The following BMPR2 variants were observed in gnomAD, a reference collection of about 807,000 sequenced individuals.
The protein encoded by BMPR2 is bone morphogenetic protein receptor type 2.
Under a neutral mutation model 100.8 loss-of-function variants are expected in BMPR2, and 29 were observed. The ratio of observed to expected loss-of-function variants is 0.29; its 90% CI spans 0.21 to 0.39. The LOEUF (loss-of-function observed/expected upper bound fraction) is 0.39. Among genes scored for constraint, BMPR2 ranks in the 10% least tolerant of loss-of-function variants. The pLI, the probability that BMPR2 is intolerant of heterozygous loss-of-function variation, is 1.00. For missense variants in BMPR2, 1,011 were observed against 1,274.5 expected, an observed-to-expected ratio of 0.79 and a Z score of 3.15; for synonymous variants, 382 against 442.3, an observed-to-expected ratio of 0.86 and a Z score of 1.71.
At chr2:202,441,812 C>T (rs1691753505) in intron 1 of BMPR2, among the ~76,000 whole-genome samples, 1 of 149,320 alleles carries the variant, frequency 6.7e-6, no homozygotes, top group Admixed American at 6.6e-5. Flanking sequence ...GGTGGGCGAT[C>T]ACCTGAGGTC....
intron 1 of BMPR2, among the ~76,000 whole-genome samples, chr2:202,386,104 G>A (rs1258427166): frequency 1.3e-5 from 2 of 152,066 alleles, no homozygotes; most frequent in African/African-American, 4.8e-5. Context: ...ATGGCTAAAT[G>A]TTGTGTTTCA....
Position 202,442,403 on chromosome 2 carries a change from GT to G in BMPR2, c.77-22402del, listed in dbSNP as rs1691766471. Among the ~76,000 whole-genome samples, 4 of 150,450 alleles carry G rather than the reference GT, an allele frequency of 2.7e-5. 1 individual carries two copies. The highest frequency in any genetic ancestry group is 1.0e-4 in the African/African-American group (4 of 39,832). ...GTGATTAACTTCATGGTTCATCCAT[GT>G]TTTAGCGTATATCGGTACTTCCTTT... On this transcript the variant is annotated intron_variant, in intron 1 of 12. Coordinates refer to ENST00000374580, the MANE Select transcript of BMPR2 (RefSeq NM_001204.7).
chr2:202,446,120 G>A (rs1691843567), intron 1 of BMPR2, among the ~76,000 whole-genome samples: 1 of 150,586 alleles, frequency 6.6e-6, no homozygotes, highest in Admixed American at 6.6e-5. Flanking sequence ...ATTAACACAG[G>A]CTGGGCGTGG....
At chr2:202,518,783 T>G (rs1687765361) in intron 5 of BMPR2, 39 bp from the exon 6 acceptor site, 1 of 1,491,658 alleles carries the variant, frequency 6.7e-7, no homozygotes, top group African/African-American at 1.4e-5. Context: ...ATTGTTCAAT[T>G]GTGATATTAA....
At chr2:202,507,165 A>T (rs1327307856) in intron 3 of BMPR2, among the ~76,000 whole-genome samples, 1 of 151,098 alleles carries the variant, frequency 6.6e-6, no homozygotes, top group Non-Finnish European at 1.5e-5. Context: ...TCACTGCTTT[A>T]CCTAGGATAA....
Position 202,514,912 on chromosome 2 carries a change from G to A in BMPR2, c.554G>A (p.Ser185Asn), listed in dbSNP as rs1252032978. 8.7e-6 allele frequency: 14 copies of A among 1,613,964 alleles called. No individual in the cohort carries two copies. Among genetic ancestry groups the A allele is most frequent in the Non-Finnish European group, 1.1e-5 (13 of 1,180,010 alleles). ...LTGDRKQGLH[S>N]MNMMEAAASE... The stretch of plus-strand genomic sequence containing the variant: ...GGAGACCGTAAACAAGGTCTTCACA[G>A]TATGAACATGATGGAGGCAGCAGCA... Residue 185 changes from serine to asparagine, a missense_variant, in exon 5 of 13, where the codon AGT (serine) becomes AAT (asparagine). By Grantham distance (46) the Ser-to-Asn change is conservative (BLOSUM62 1). Around this residue, in one of 6 missense-constraint regions of BMPR2, gnomAD observed 355 missense variants for 455.3 expected, o/e 0.78. Transcript: ENST00000374580.
chr2:202,444,516 G>T (rs550857129), intron 1 of BMPR2, among the ~76,000 whole-genome samples: 15 of 150,616 alleles, frequency 1.0e-4, no homozygotes, highest in Non-Finnish European at 2.1e-4. Context: ...TGGTGTTGGT[G>T]TATATAGTTA....
chr2:202,380,965 CTTTTT>C (rs1159400445), intron 1 of BMPR2, among the ~76,000 whole-genome samples: 4 of 70,780 alleles, frequency 5.7e-5, no homozygotes, highest in Non-Finnish European at 8.3e-5. Flanking sequence ...TTCTTTCTTT[CTTTTT>C]TTTTTTTTTT....
chr2:202,443,536 C>G (rs193180350), intron 1 of BMPR2, among the ~76,000 whole-genome samples: 3 of 149,744 alleles, frequency 2.0e-5, no homozygotes, highest in Non-Finnish European at 4.4e-5. Context: ...CTTTCTCTCT[C>G]TCTTTCTGTC....
At chr2:202,381,472 A>G (rs1386475636) in intron 1 of BMPR2, among the ~76,000 whole-genome samples, 1 of 152,176 alleles carries the variant, frequency 6.6e-6, no homozygotes, top group Non-Finnish European at 1.5e-5. Flanking sequence ...GCCAAGCCCA[A>G]CCCTACCAGC....
chr2:202,491,330 T>G (rs559665420), intron 3 of BMPR2, among the ~76,000 whole-genome samples: 22 of 152,318 alleles, frequency 1.4e-4, no homozygotes, highest in African/African-American at 5.3e-4. Flanking sequence ...GTACTGAGAT[T>G]GCGGTCATGA....
intron 1 of BMPR2, among the ~76,000 whole-genome samples, chr2:202,415,275 G>C (rs1014834454): frequency 1.3e-5 from 2 of 152,012 alleles, no homozygotes; most frequent in African/African-American, 2.4e-5. Context: ...TTTGAGACCA[G>C]CCTGACCAAC....
chr2:202,442,202 T>A (rs1331815271), intron 1 of BMPR2, among the ~76,000 whole-genome samples: 1 of 150,534 alleles, frequency 6.6e-6, no homozygotes, highest in Non-Finnish European at 1.5e-5. Context: ...ATAGCTTGTA[T>A]GCTTCTATGG....
intron 1 of BMPR2, among the ~76,000 whole-genome samples, chr2:202,431,846 CAAT>C (rs1187709352): frequency 6.6e-6 from 1 of 150,600 alleles, no homozygotes; most frequent in Non-Finnish European, 1.5e-5. Context: ...TGTTAAGCCA[CAAT>C]GACTGTTTTA....
intron 10 of BMPR2, among the ~76,000 whole-genome samples, chr2:202,544,512 G>C: frequency 6.6e-6 from 1 of 152,224 alleles, no homozygotes. Context: ...CTAGTCTCCA[G>C]TCTAATGAGA....
In BMPR2 at chr2:202,556,759, C is replaced by T. The variant is rs6435155; in HGVS notation, c.2866+228C>T. Among the ~76,000 whole-genome samples, 69,014 of 151,456 alleles carry T rather than the reference C, an allele frequency of 0.46. 15,885 individuals carry two copies. The highest frequency in any genetic ancestry group is 0.56 in the Middle Eastern group (160 of 288). ...GTCAGGAGTTCAAGACCAACCTGGCCAACATGGCGAAACCCCATCTCTACT... is the reference window on the plus strand; with the variant it reads ...GTCAGGAGTTCAAGACCAACCTGGCTAACATGGCGAAACCCCATCTCTACT... On this transcript the variant is annotated intron_variant, in intron 12 of 12. Transcript: ENST00000374580.
intron 1 of BMPR2, among the ~76,000 whole-genome samples, chr2:202,457,366 T>C (rs1692132113): frequency 6.6e-6 from 1 of 151,872 alleles, no homozygotes; most frequent in Non-Finnish European, 1.5e-5. Flanking sequence ...ATAGCTCATT[T>C]ATCATGAACA....
At chr2:202,389,512 G>A (rs1393519786) in intron 1 of BMPR2, among the ~76,000 whole-genome samples, 1 of 115,460 alleles carries the variant, frequency 8.7e-6, no homozygotes, top group Non-Finnish European at 1.7e-5. Context: ...GGGCGACAGA[G>A]TAAGATTCCA....
intron 1 of BMPR2, among the ~76,000 whole-genome samples, chr2:202,456,821 G>T (rs1375895352): frequency 2.0e-5 from 3 of 152,058 alleles, no homozygotes; most frequent in Non-Finnish European, 4.4e-5. Context: ...AGACTGTATA[G>T]CACTTTTCAA....
Sources: gnomAD v4.1 joint callset for allele counts (sites outside exome capture counted in the v4.1 genomes callset) on GRCh38, gnomAD v4.1.1 for gene constraint, gnomAD v4.1.1 regional missense constraint, MANE v1.5 for transcripts, NCBI Gene and HGNC (gene_info 2026-07-23, HGNC 2026-07-21) for gene names.